SYT1: variants seen among roughly 807,000 people sequenced by gnomAD.
SYT1 encodes synaptotagmin-1.
A neutral mutation model predicts 44.8 loss-of-function variants in SYT1; 8 were observed. That is an observed-to-expected ratio of 0.18 (90% CI 0.10 to 0.32). SYT1 has a LOEUF of 0.32. SYT1 is among the 10% of genes least tolerant of loss of function. SYT1 has a pLI of 1.00. For synonymous variants in SYT1, 154 were observed against 188.8 expected (o/e 0.82, Z 1.51); for missense variants, 286 against 509.3 (o/e 0.56, Z 4.22).
intron 9 of SYT1, among the ~76,000 whole-genome samples, chr12:79,380,290 C>T (rs1198049009): frequency 6.6e-6 from 1 of 152,206 alleles, no homozygotes; most frequent in East Asian, 1.9e-4. Flanking sequence ...TTTAGAGAGA[C>T]TCTGACAAAG....
chr12:79,070,317 C>T (rs928773305), intron 3 of SYT1, among the ~76,000 whole-genome samples: 2 of 152,198 alleles, frequency 1.3e-5, no homozygotes, highest in Non-Finnish European at 2.9e-5. Flanking sequence ...AGAACATTTG[C>T]TCTTATTAAC....
At chr12:79,056,402 A>C (rs761769024) in intron 3 of SYT1, among the ~76,000 whole-genome samples, 20 of 152,082 alleles carry the variant, frequency 1.3e-4, no homozygotes, top group Admixed American at 6.6e-5. Flanking sequence ...CACAGAAATT[A>C]GACAATCTCA....
intron 3 of SYT1, among the ~76,000 whole-genome samples, chr12:79,215,146 C>T (rs553318900): frequency 2.3e-4 from 35 of 152,132 alleles, no homozygotes; most frequent in Admixed American, 1.5e-3. Context: ...GCTTCTGGGA[C>T]GTGACTTGAG....
intron 1 of SYT1, among the ~76,000 whole-genome samples, chr12:78,934,834 G>A (rs1877962835): frequency 6.6e-6 from 1 of 152,140 alleles, no homozygotes; most frequent in South Asian, 2.1e-4. Context: ...CATGGTGATG[G>A]CTGCACGGCC....
intron 4 of SYT1, among the ~76,000 whole-genome samples, chr12:79,280,515 A>G (rs1878988151): frequency 6.6e-6 from 1 of 152,114 alleles, no homozygotes; most frequent in Non-Finnish European, 1.5e-5. Flanking sequence ...AACTTGGATT[A>G]AAGACTTAAA....
intron 1 of SYT1, among the ~76,000 whole-genome samples, chr12:78,866,418 G>C (rs1463052638): frequency 1.3e-5 from 2 of 152,166 alleles, no homozygotes; most frequent in African/African-American, 4.8e-5. Flanking sequence ...TAAAAATCCT[G>C]AAGGGGAAAA....
intron 4 of SYT1, among the ~76,000 whole-genome samples, chr12:79,263,269 GAT>G (rs1491540202): frequency 1.3e-4 from 17 of 126,718 alleles, no homozygotes; most frequent in Non-Finnish European, 2.4e-4. Context: ...TTCTTCTGGT[GAT>G]TTTTTTTTTT....
At chr12:79,043,079 G>A (rs977704744) in intron 2 of SYT1, among the ~76,000 whole-genome samples, 4 of 149,286 alleles carry the variant, frequency 2.7e-5, no homozygotes, top group African/African-American at 9.9e-5. Flanking sequence ...GTGTGGTGTG[G>A]TGCTGAAAAA....
At chr12:78,898,620 T>C (rs901626118) in intron 1 of SYT1, among the ~76,000 whole-genome samples, 1 of 152,026 alleles carries the variant, frequency 6.6e-6, no homozygotes, top group African/African-American at 2.4e-5. Context: ...GATTGTTTTT[T>C]CCCCTAGGAC....
At chr12:78,934,947 T>A (rs1427254664) in intron 1 of SYT1, among the ~76,000 whole-genome samples, 1 of 152,178 alleles carries the variant, frequency 6.6e-6, no homozygotes, top group Non-Finnish European at 1.5e-5. Context: ...AACTGAGGTA[T>A]AAAATAACCA....
intron 1 of SYT1, among the ~76,000 whole-genome samples, chr12:78,907,956 CA>C (rs1013093359): frequency 6.6e-6 from 1 of 151,898 alleles, no homozygotes; most frequent in Non-Finnish European, 1.5e-5. Context: ...AGTTTTTCTC[CA>C]AACATTTTCT....
intron 8 of SYT1, among the ~76,000 whole-genome samples, chr12:79,315,150 C>T (rs1881021897): frequency 6.6e-6 from 1 of 151,998 alleles, no homozygotes; most frequent in African/African-American, 2.4e-5. Context: ...TGAATAAATA[C>T]CATTTTTCTC....
intron 9 of SYT1, among the ~76,000 whole-genome samples, chr12:79,432,328 C>T (rs1209630683): frequency 1.3e-5 from 2 of 151,976 alleles, no homozygotes; most frequent in East Asian, 1.9e-4. Flanking sequence ...TCGTCATTTA[C>T]ATTAGGTATT....
rs1326963016 is a variant in SYT1, at chr12:78,881,701, G to A, written c.-217+16592G>A. ...AGGGAAACCAAGTAACCTTCGCTTG[G>A]TAATTTTCCTTTCAAAAGAAGAAAA... is the stretch of plus-strand genomic sequence containing the variant. On this transcript the variant is annotated intron_variant, in intron 1 of 10. Transcript: ENST00000261205. Among the ~76,000 whole-genome samples, 6 of 151,452 alleles carry A rather than the reference G, an allele frequency of 4.0e-5. No individual in the cohort carries two copies. In the Admixed American group the frequency reaches 4.0e-4, roughly 10 times the overall value.
chr12:79,107,294 A>T (rs1237310642), intron 3 of SYT1, among the ~76,000 whole-genome samples: 3 of 151,992 alleles, frequency 2.0e-5, no homozygotes, highest in African/African-American at 7.2e-5. Context: ...AACTTGATAT[A>T]GTGTTTGTAT....
chr12:79,159,508 T>G (rs1486651228), intron 3 of SYT1, among the ~76,000 whole-genome samples: 1 of 152,200 alleles, frequency 6.6e-6, no homozygotes, highest in Non-Finnish European at 1.5e-5. Flanking sequence ...TTCATGTAAC[T>G]TTTATTACAG....
At chr12:79,288,051 G>A (rs1242643025) in intron 5 of SYT1, among the ~76,000 whole-genome samples, 6 of 152,010 alleles carry the variant, frequency 3.9e-5, no homozygotes, top group Admixed American at 3.9e-4. Context: ...ACAGAATAAG[G>A]TACAATTTGG....
intron 8 of SYT1, among the ~76,000 whole-genome samples, chr12:79,317,723 C>T (rs1881162586): frequency 6.6e-6 from 1 of 152,080 alleles, no homozygotes; most frequent in African/African-American, 2.4e-5. Context: ...CCAACAACAG[C>T]ATAGGTTTGA....
intron 2 of SYT1, among the ~76,000 whole-genome samples, chr12:78,982,499 G>A (rs181549840): frequency 2.4e-4 from 36 of 152,168 alleles, no homozygotes; most frequent in African/African-American, 4.8e-4. Flanking sequence ...CCTCCTTTCC[G>A]TTCCATTTTC....
Sources: gnomAD v4.1 joint callset for allele counts (sites outside exome capture counted in the v4.1 genomes callset) on GRCh38, gnomAD v4.1.1 for gene constraint, MANE v1.5 for transcripts, NCBI Gene and HGNC (gene_info 2026-07-23, HGNC 2026-07-21) for gene names.